The following ITGA9 variants were observed in gnomAD, a reference collection of about 807,000 sequenced individuals.
The protein encoded by ITGA9 is integrin subunit alpha 9, also known as integrin alpha-9.
In ITGA9, 56 loss-of-function variants were observed where a neutral mutation model predicts 127.8. That is an observed-to-expected ratio of 0.44 (90% CI 0.35 to 0.55). The LOEUF (loss-of-function observed/expected upper bound fraction) is 0.55. Among genes scored for constraint, ITGA9 ranks in the 20% least tolerant of loss-of-function variants. The pLI, the probability that ITGA9 is intolerant of heterozygous loss-of-function variation, is 0.00. For synonymous variants in ITGA9, 508 were observed against 514.5 expected, an observed-to-expected ratio of 0.99 and a Z score of 0.17; for missense variants, 1,196 against 1,347.1, an observed-to-expected ratio of 0.89 and a Z score of 1.76.
chr3:37,584,648 G>A (rs1385252258), intron 15 of ITGA9, among the ~76,000 whole-genome samples: 4 of 152,124 alleles, frequency 2.6e-5, no homozygotes, highest in South Asian at 2.1e-4. Context: ...CCAGCTACTC[G>A]GGAGGCTGAG....
At chr3:37,487,251 G>A (rs529295729) in intron 4 of ITGA9, among the ~76,000 whole-genome samples, 1 of 152,238 alleles carries the variant, frequency 6.6e-6, no homozygotes, top group East Asian at 1.9e-4. Context: ...AATAAATAGA[G>A]CAAATTAAAG....
At chr3:37,475,612 T>C (rs113890216) in intron 3 of ITGA9, among the ~76,000 whole-genome samples, 87 of 152,348 alleles carry the variant, frequency 5.7e-4, no homozygotes, top group Middle Eastern at 6.8e-3. Flanking sequence ...TTTTAATGTT[T>C]TATGAAGTTA....
chr3:37,486,561 ATAG>A (rs970901826), intron 4 of ITGA9, among the ~76,000 whole-genome samples: 13 of 152,360 alleles, frequency 8.5e-5, no homozygotes, highest in Admixed American at 2.0e-4. Context: ...AAGCAACATA[ATAG>A]TATTCTTAAA....
chr3:37,695,781 C>G (rs971732186), intron 18 of ITGA9, among the ~76,000 whole-genome samples: 4 of 152,238 alleles, frequency 2.6e-5, no homozygotes, highest in Non-Finnish European at 5.9e-5. Flanking sequence ...CTGCATGTAA[C>G]AGAAAAGCCA....
intron 5 of ITGA9, among the ~76,000 whole-genome samples, chr3:37,496,324 A>G (rs992565175): frequency 6.6e-6 from 1 of 152,206 alleles, no homozygotes; most frequent in Non-Finnish European, 1.5e-5. Flanking sequence ...GACAGTCGAC[A>G]GAGTTCTATG....
intron 17 of ITGA9, among the ~76,000 whole-genome samples, chr3:37,672,200 T>TA (rs1169235408): frequency 1.3e-5 from 2 of 152,196 alleles, no homozygotes; most frequent in Non-Finnish European, 2.9e-5. Flanking sequence ...AGGGCAGTGA[T>TA]ATGGTTTGGC....
chr3:37,728,424 A>G (rs765600139), intron 18 of ITGA9, among the ~76,000 whole-genome samples: 2 of 152,204 alleles, frequency 1.3e-5, no homozygotes, highest in Non-Finnish European at 2.9e-5. Flanking sequence ...TTATTTAAAG[A>G]ATTACCTTGT....
intron 22 of ITGA9, chr3:37,749,129 G>A: frequency 8.6e-6 from 2 of 232,706 alleles, no homozygotes; most frequent in Non-Finnish European, 1.7e-5. Flanking sequence ...ATCAGGGCCT[G>A]TGTTCTTGCC....
chr3:37,572,015 T>G (rs1439926924), intron 15 of ITGA9, among the ~76,000 whole-genome samples: 1 of 152,060 alleles, frequency 6.6e-6, no homozygotes, highest in East Asian at 1.9e-4. Flanking sequence ...ATTTTGTAAA[T>G]TATTTTGGTA....
chr3:37,489,502 G>T (rs1698645004), intron 4 of ITGA9, among the ~76,000 whole-genome samples: 1 of 152,148 alleles, frequency 6.6e-6, no homozygotes, highest in South Asian at 2.1e-4. Context: ...TTAATTCTAA[G>T]TTTCTGGCTT....
At chr3:37,544,300 G>T (rs919293382) in intron 15 of ITGA9, among the ~76,000 whole-genome samples, 3 of 152,118 alleles carry the variant, frequency 2.0e-5, no homozygotes, top group Admixed American at 6.5e-5. Context: ...TCAGGGTTGC[G>T]CAAGGGGTTG....
At chr3:37,803,729 G>C in intron 26 of ITGA9, 94 bp from the exon 27 acceptor site, 1 of 1,444,804 alleles carries the variant, frequency 6.9e-7, no homozygotes, top group East Asian at 2.4e-5. Context: ...AGCCGAGATT[G>C]TGCCATTGCA....
At chr3:37,557,751 C>T (rs1219526584) in intron 15 of ITGA9, among the ~76,000 whole-genome samples, 1 of 152,126 alleles carries the variant, frequency 6.6e-6, no homozygotes, top group Non-Finnish European at 1.5e-5. Context: ...AATACAATTA[C>T]ATATGTTAAT....
chr3:37,782,507 G>A (rs1696986791), intron 25 of ITGA9, among the ~76,000 whole-genome samples: 1 of 152,208 alleles, frequency 6.6e-6, no homozygotes, highest in Non-Finnish European at 1.5e-5. Context: ...AGCCTTCAAG[G>A]CTCATTCTCC....
intron 15 of ITGA9, among the ~76,000 whole-genome samples, chr3:37,623,143 T>C (rs1219788578): frequency 6.7e-6 from 1 of 150,244 alleles, no homozygotes; most frequent in Non-Finnish European, 1.5e-5. Context: ...TTTTCTGCTG[T>C]GTTCAATCTC....
chr3:37,452,530 T>C lies in ITGA9; in HGVS notation c.156T>C (p.Val52=). Residue 52 remains valine, a synonymous_variant, in exon 1 of 28, where the codon GTT becomes GTC. Transcript: ENST00000264741. This position sits in a 1 kb window ranked among gnomAD's most constrained non-coding sequence, Gnocchi z 7.3. ...GPADSFFGYA[V]LEHFHDNTRW... is the part of the protein sequence containing the mutation. ...CTGACTCGTTCTTCGGCTACGCAGTTCTGGAGCATTTCCACGACAACACGC... is the reference window on the plus strand; with the variant it reads ...CTGACTCGTTCTTCGGCTACGCAGTCCTGGAGCATTTCCACGACAACACGC... The C allele has an allele frequency of 6.5e-7, 1 of 1,527,688 alleles. No homozygotes were observed. The highest frequency in any genetic ancestry group is 8.8e-7 in the Non-Finnish European group (1 of 1,137,464). 94.6% of individuals were successfully genotyped at this position (1,527,688 alleles called of 1,614,324 possible). A position where few individuals can be genotyped will look rare whatever the true frequency, so the allele number is the denominator to read the frequency against.
chr3:37,484,340 C>T (rs1415250170), intron 4 of ITGA9, among the ~76,000 whole-genome samples: 3 of 152,098 alleles, frequency 2.0e-5, no homozygotes, highest in South Asian at 2.1e-4. Flanking sequence ...CTGGACTGGA[C>T]GGGTGGGGCT....
intron 20 of ITGA9, among the ~76,000 whole-genome samples, chr3:37,740,344 A>G (rs1263681537): frequency 6.6e-6 from 1 of 152,136 alleles, no homozygotes; most frequent in Non-Finnish European, 1.5e-5. Context: ...CCAACTGTGA[A>G]TGTAGGTTCA....
chr3:37,787,482 G>A (rs1273138286), intron 26 of ITGA9, among the ~76,000 whole-genome samples: 3 of 152,064 alleles, frequency 2.0e-5, no homozygotes, highest in Non-Finnish European at 2.9e-5. Context: ...GGAAGAGGCC[G>A]AGAGGTTTTT....
Sources: gnomAD v4.1 joint callset for allele counts (sites outside exome capture counted in the v4.1 genomes callset) on GRCh38, gnomAD v4.1.1 for gene constraint, Gnocchi (gnomAD v3.1) non-coding constraint, MANE v1.5 for transcripts, NCBI Gene and HGNC (gene_info 2026-07-23, HGNC 2026-07-21) for gene names.